Variants in RGS6 observed in about 807,000 individuals in gnomAD.
RGS6 encodes regulator of G protein signaling 6, also known as regulator of G-protein signaling 6.
A neutral mutation model predicts 78.5 loss-of-function variants in RGS6; 30 were observed. The ratio of observed to expected loss-of-function variants is 0.38; its 90% CI spans 0.29 to 0.52. RGS6 has a LOEUF of 0.52. Among genes scored for constraint, RGS6 ranks in the 20% least tolerant of loss-of-function variants. RGS6 has a pLI of 0.85. For missense variants in RGS6, 495 were observed against 609.7 expected (o/e 0.81, Z 1.98); for synonymous variants, 206 against 206.0 (o/e 1.00, Z 0.00).
chr14:72,306,131 C>G (rs116003210), intron 2 of RGS6, among the ~76,000 whole-genome samples: 1 of 152,300 alleles, frequency 6.6e-6, no homozygotes, highest in African/African-American at 2.4e-5. Flanking sequence ...AAGAATGACG[C>G]TAAATCTACT....
chr14:72,533,618 G>C (rs2097209472), intron 15 of RGS6, among the ~76,000 whole-genome samples: 1 of 152,240 alleles, frequency 6.6e-6, no homozygotes, highest in African/African-American at 2.4e-5. Flanking sequence ...AAGAACATTT[G>C]TGTTTCGTGG....
At chr14:71,983,045 G>A (rs2094535922) in intron 2 of RGS6, among the ~76,000 whole-genome samples, 1 of 152,164 alleles carries the variant, frequency 6.6e-6, no homozygotes, top group South Asian at 2.1e-4. Context: ...GAAACTTCCA[G>A]TATATTTAAA....
At chr14:72,613,007 T>C in the RGS6 span, among the ~76,000 whole-genome samples, 1 of 151,722 alleles carries the variant, frequency 6.6e-6, no homozygotes, top group East Asian at 1.9e-4. Flanking sequence ...TGTGTGTGTG[T>C]GTGTGTGTGT....
chr14:72,537,159 C>G (rs955217931), intron 16 of RGS6, among the ~76,000 whole-genome samples: 5 of 152,188 alleles, frequency 3.3e-5, no homozygotes, highest in Non-Finnish European at 5.9e-5. Context: ...TCAACTTGCA[C>G]CAAACCCTAT....
intron 2 of RGS6, among the ~76,000 whole-genome samples, chr14:72,341,513 G>T (rs567590856): frequency 6.6e-6 from 1 of 152,160 alleles, no homozygotes. Flanking sequence ...TTTTGAGCAG[G>T]GCCTAGAAGC....
rs182859306 is a variant in RGS6 at position 72,534,133 on chromosome 14, C to T, written c.1279-2053C>T. Among the ~76,000 whole-genome samples the T allele has an allele frequency of 4.9e-4, 75 of 152,326 alleles. 1 individual carries two copies. The highest frequency in any genetic ancestry group is 2.2e-4 in the Non-Finnish European group (15 of 68,032). ...AAATTGCCACAGTCACCTCGGCCTT[C>T]GGCAATCACCACCCTAATCAGTCAG... On this transcript the variant is annotated intron_variant, in intron 15 of 17. Transcript: ENST00000553525.
At chr14:72,458,937 G>T (rs1376298187) in intron 5 of RGS6, among the ~76,000 whole-genome samples, 2 of 152,170 alleles carry the variant, frequency 1.3e-5, no homozygotes, top group Admixed American at 6.5e-5. Context: ...TTCAGACCAT[G>T]GTAGACACTT....
rs530558182 is a variant in RGS6, at chr14:71,981,539, C to T, written c.84+16664C>T. 1.5e-3 allele frequency among the ~76,000 whole-genome samples: 232 copies of T among 151,674 alleles called. 1 individual carries two copies. The highest frequency in any genetic ancestry group is 5.2e-3 in the African/African-American group (213 of 41,196). On this transcript the variant is annotated intron_variant, in intron 2 of 17. Coordinates refer to ENST00000553525, the MANE Select transcript of RGS6 (RefSeq NM_001204424.2). ...CGGCCGTGTGAGGTGTCAGTGTGCC[C>T]CTGCTGGGGGGTGCCTCCCAGTTAG...
chr14:72,599,546 C>A, the RGS6 span, among the ~76,000 whole-genome samples: 1 of 148,122 alleles, frequency 6.8e-6, no homozygotes, highest in Admixed American at 6.7e-5. Flanking sequence ...GTAGCTGGGA[C>A]TACAGGAGCC....
chr14:72,304,481 A>G (rs114421823), intron 2 of RGS6, among the ~76,000 whole-genome samples: 121 of 152,348 alleles, frequency 7.9e-4, no homozygotes, highest in African/African-American at 2.9e-3. Flanking sequence ...GCAATGCTCT[A>G]GTGAATTTTC....
intron 2 of RGS6, among the ~76,000 whole-genome samples, chr14:72,340,414 C>T (rs2076778867): frequency 6.6e-6 from 1 of 152,050 alleles, no homozygotes; most frequent in African/African-American, 2.4e-5. Flanking sequence ...CAGAGGAAGC[C>T]CCAAATGCGT....
intron 3 of RGS6, among the ~76,000 whole-genome samples, chr14:72,388,443 T>A (rs527307554): frequency 6.6e-6 from 1 of 152,226 alleles, no homozygotes; most frequent in East Asian, 1.9e-4. Context: ...ACAGCCATCA[T>A]ACACAGCTGT....
At chr14:72,414,025 G>A (rs2093622009) in intron 3 of RGS6, among the ~76,000 whole-genome samples, 1 of 152,110 alleles carries the variant, frequency 6.6e-6, no homozygotes, top group African/African-American at 2.4e-5. Flanking sequence ...TTCAACTTTG[G>A]TGAATCTGAC....
chr14:72,157,145 A>G (rs1377510530), intron 2 of RGS6, among the ~76,000 whole-genome samples: 1 of 152,208 alleles, frequency 6.6e-6, no homozygotes, highest in African/African-American at 2.4e-5. Flanking sequence ...TGATGTCTCT[A>G]AAGAACTCTC....
intron 2 of RGS6, among the ~76,000 whole-genome samples, chr14:72,294,891 G>A (rs1212817535): frequency 2.0e-5 from 3 of 152,100 alleles, no homozygotes; most frequent in African/African-American, 7.2e-5. Context: ...GATTTGGGTG[G>A]GGACACATAT....
chr14:72,120,430 T>C, intron 2 of RGS6, among the ~76,000 whole-genome samples: 1 of 152,172 alleles, frequency 6.6e-6, no homozygotes, highest in East Asian at 1.9e-4. Flanking sequence ...GAGGTACCTC[T>C]GTAGAAAGCA....
intron 2 of RGS6, among the ~76,000 whole-genome samples, chr14:72,043,494 AT>A (rs11361663): frequency 0.88 from 133,523 of 152,060 alleles, 58,649 homozygotes; most frequent in South Asian, 0.92. Context: ...CTTTTGAAGG[AT>A]AACTTTGCTG....
chr14:72,302,563 C>T (rs2066311796), intron 2 of RGS6, among the ~76,000 whole-genome samples: 1 of 152,158 alleles, frequency 6.6e-6, no homozygotes, highest in South Asian at 2.1e-4. Flanking sequence ...ACTCATATCT[C>T]CTCTGATGTT....
At chr14:72,600,340 C>T in the RGS6 span, among the ~76,000 whole-genome samples, 2 of 150,672 alleles carry the variant, frequency 1.3e-5, no homozygotes, top group African/African-American at 4.9e-5. Flanking sequence ...CTCCCTCCCT[C>T]CTCTCTGTCC....
Sources: gnomAD v4.1 joint callset for allele counts (sites outside exome capture counted in the v4.1 genomes callset) on GRCh38, gnomAD v4.1.1 for gene constraint, MANE v1.5 for transcripts, NCBI Gene and HGNC (gene_info 2026-07-23, HGNC 2026-07-21) for gene names.